The following PDILT variants were observed in gnomAD, a reference collection of about 807,000 sequenced individuals.
PDILT encodes the protein protein disulfide-isomerase-like protein of the testis.
PDILT carries 43 observed loss-of-function variants against 53.7 expected under a neutral mutation model. The ratio of observed to expected loss-of-function variants is 0.80; its 90% confidence interval spans 0.63 to 1.03. The LOEUF is 1.03. Among genes scored for constraint, PDILT ranks in the 50% least tolerant of loss-of-function variants. PDILT has a pLI of 0.00. For missense variants in PDILT, 727 were observed against 712.3 expected (o/e 1.02, Z -0.24); for synonymous variants, 282 against 274.2 (o/e 1.03, Z -0.28).
chr16:20,384,485 A>G (rs562772584), intron 3 of PDILT, among the ~76,000 whole-genome samples, 160 bp downstream of exon 3: 2 of 152,246 alleles, frequency 1.3e-5, no homozygotes, highest in East Asian at 3.9e-4. Context: ...CAGAGGAAAG[A>G]GCAGGTGGCT....
intron 2 of PDILT, among the ~76,000 whole-genome samples, chr16:20,395,711 T>A (rs1966653830): frequency 6.6e-6 from 1 of 152,188 alleles, no homozygotes; most frequent in Admixed American, 6.5e-5. Flanking sequence ...GGATCCCTCA[T>A]GAATGTTTTG....
At chr16:20,391,358 A>G (rs1019637984) in intron 2 of PDILT, among the ~76,000 whole-genome samples, 1 of 151,322 alleles carries the variant, frequency 6.6e-6, no homozygotes, top group African/African-American at 2.4e-5. Context: ...CACCATTGTC[A>G]TCATCATCAT....
intron 10 of PDILT, among the ~76,000 whole-genome samples, chr16:20,361,558 A>G (rs989123431): frequency 2.0e-5 from 3 of 152,230 alleles, no homozygotes; most frequent in Non-Finnish European, 1.5e-5. Flanking sequence ...AGATAATTTG[A>G]GATTACTACC....
At chr16:20,377,513 A>G (rs961950641) in intron 3 of PDILT, among the ~76,000 whole-genome samples, 2 of 152,220 alleles carry the variant, frequency 1.3e-5, no homozygotes, top group Admixed American at 6.5e-5. Context: ...GAAGACAACA[A>G]TCAAATAAAT....
chr16:20,392,187 T>C (rs1005516415), intron 2 of PDILT, among the ~76,000 whole-genome samples: 4 of 152,070 alleles, frequency 2.6e-5, no homozygotes, highest in Non-Finnish European at 5.9e-5. Flanking sequence ...ATGGATTACA[T>C]GTGAGAGTAG....
intron 2 of PDILT, chr16:20,390,953 T>C (rs1348578340): frequency 6.6e-6 from 1 of 152,254 alleles, no homozygotes. Flanking sequence ...ATTGTTGTCA[T>C]TATCATCACC....
rs369365786 is a variant in PDILT, at chr16:20,374,862, C to T, written c.641G>A (p.Arg214His). The change falls in exon 5 of 12, where the codon CGT becomes CAT. Residue 214 changes from arginine to histidine, a missense_variant. By Grantham distance (29) the Arg-to-His change is conservative. Transcript: ENST00000302451. ...GACGCTGTCAAGGGTGACGTGGAAA[C>T]GCCCAATGACATTGCCAATCGTTAT... is the stretch of plus-strand genomic sequence containing the variant. ...GVITIGNVIGRFHVTLDSVLV... is the reference protein window; with the variant it reads ...GVITIGNVIGHFHVTLDSVLV... The T allele has an allele frequency of 5.9e-5, 96 of 1,613,904 alleles. 1 individual carries two copies. Among genetic ancestry groups the T allele is most frequent in the African/African-American group, 3.9e-4 (29 of 74,920 alleles).
rs930303262 is a variant in PDILT, at chr16:20,384,644, C to T, written c.409+1G>A. 8.1e-6 allele frequency: 13 copies of T among 1,614,092 alleles called. No homozygotes were observed. The highest frequency in any genetic ancestry group is 1.1e-5 in the Non-Finnish European group (13 of 1,180,006). ...CAAGTGTGACACACAAGCACCATTA[C>T]CTTTGCAGCTGATGGGCTCTGACCT... On this transcript the variant is annotated splice_donor_variant, in intron 3 of 11. Transcript: ENST00000302451. LOFTEE classifies it high-confidence loss of function.
intron 11 of PDILT, 138 bp downstream of exon 11, chr16:20,360,430 C>T: frequency 2.5e-6 from 2 of 814,516 alleles, no homozygotes; most frequent in South Asian, 1.6e-5. Context: ...TAGAGTCACC[C>T]AACCTGGATG....
rs1209406768 is a variant in PDILT, at chr16:20,373,044, G to A, written c.760C>T (p.Leu254Phe). The change falls in exon 6 of 12, where the codon CTT becomes TTT. Residue 254 changes from leucine (L) to phenylalanine (F), a missense_variant. Coordinates refer to ENST00000302451, the MANE Select transcript of PDILT (RefSeq NM_174924.2). ...TTGTATTCGATCACAAAATCTGTAA[G>A]GTGCTGTTTTATGACACGATTGAGT... ...QELNRVIKQH[L>F]TDFVIEYNTE... The A allele has an allele frequency of 6.2e-7, 1 of 1,614,088 alleles. No individual in the cohort carries two copies. Among genetic ancestry groups the A allele is most frequent in the South Asian group, 1.1e-5 (1 of 91,088 alleles).
Position 20,399,088 on chromosome 16 carries a change from G to C in PDILT, c.202+11C>G. 3.7e-6 allele frequency: 6 copies of C among 1,614,106 alleles called. No individual in the cohort carries two copies. Among genetic ancestry groups the C allele is most frequent in the Non-Finnish European group, 5.1e-6 (6 of 1,179,970 alleles). ...CATCTATCATCCATCACCCAGGATG[G>C]GGGCACTCACGGAAAAGCACCATGA... On this transcript the variant is annotated intron_variant, in intron 2 of 11. Coordinates refer to ENST00000302451, the MANE Select transcript of PDILT (RefSeq NM_174924.2).
chr16:20,403,161 C>T (rs560355874), intron 1 of PDILT, among the ~76,000 whole-genome samples: 4 of 152,318 alleles, frequency 2.6e-5, no homozygotes, highest in South Asian at 4.1e-4. Context: ...TGGAGAGACC[C>T]CATGTCCCAG....
chr16:20,375,152 A>G (rs779166137), intron 4 of PDILT, among the ~76,000 whole-genome samples, 193 bp from the exon 5 acceptor site: 1 of 152,226 alleles, frequency 6.6e-6, no homozygotes, highest in Non-Finnish European at 1.5e-5. Context: ...TAAAGCCAAA[A>G]TAGGCAAGTC....
chr16:20,389,196 G>GCTCAATGAA (rs1251760921), intron 2 of PDILT, among the ~76,000 whole-genome samples: 2 of 152,064 alleles, frequency 1.3e-5, no homozygotes, highest in Non-Finnish European at 2.9e-5. Flanking sequence ...TATACTAGAT[G>GCTCAATGAA]CTCAATGAAT....
chr16:20,403,400 C>G (rs11649204), intron 1 of PDILT, among the ~76,000 whole-genome samples: 56,408 of 152,094 alleles, frequency 0.37, 12,760 homozygotes, highest in Middle Eastern at 0.52. Flanking sequence ...AGCGATTCTC[C>G]TGCTTCAACC....
intron 3 of PDILT, among the ~76,000 whole-genome samples, chr16:20,382,313 T>C (rs1966471823): frequency 6.6e-6 from 1 of 152,250 alleles, no homozygotes; most frequent in Non-Finnish European, 1.5e-5. Flanking sequence ...CAGCGCAATG[T>C]AAAGCGGATT....
At chr16:20,387,611 CTTTTCTT>C (rs570187909) in intron 2 of PDILT, among the ~76,000 whole-genome samples, 59 of 151,994 alleles carry the variant, frequency 3.9e-4, no homozygotes, top group Middle Eastern at 3.4e-3. Context: ...TACTCTTTTT[CTTTTCTT>C]TTTTCTTTTT....
intron 7 of PDILT, among the ~76,000 whole-genome samples, chr16:20,372,258 G>A (rs1372947750): frequency 2.0e-5 from 3 of 152,188 alleles, no homozygotes; most frequent in South Asian, 2.1e-4. Flanking sequence ...CATGCATGAG[G>A]AGACCTCAAT....
chr16:20,385,653 G>C (rs1396177766), intron 2 of PDILT, among the ~76,000 whole-genome samples: 1 of 151,978 alleles, frequency 6.6e-6, no homozygotes, highest in South Asian at 2.1e-4. Context: ...ACATGACTAA[G>C]GTGATGGGTG....
Sources: allele counts gnomAD v4.1 joint callset (sites outside exome capture counted in the v4.1 genomes callset), GRCh38; gene constraint gnomAD v4.1.1; transcripts MANE v1.5; gene names NCBI Gene and HGNC (gene_info 2026-07-23, HGNC 2026-07-21).